Variants in PAMR1 observed in about 807,000 individuals in gnomAD.
PAMR1 encodes peptidase domain containing associated with muscle regeneration 1.
In PAMR1, 88 loss-of-function variants were observed where a neutral mutation model predicts 81.8. The ratio of observed to expected loss-of-function variants is 1.08; its 90% confidence interval spans 0.91 to 1.28. The LOEUF (loss-of-function observed/expected upper bound fraction) is 1.28, where lower values mean the gene tolerates loss of function less well. Ranked by LOEUF, PAMR1 falls within the 50% of genes most tolerant of loss-of-function variation. The pLI is 0.00. For synonymous variants in PAMR1, 336 were observed against 345.3 expected (o/e 0.97, Z 0.30); for missense variants, 935 against 919.7 (o/e 1.02, Z -0.21).
chr11:35,475,437 C>G lies in PAMR1; in HGVS notation c.380-693G>C, dbSNP rs1473658664. ...CCTGGTTAAAGCAGAAGTAGGGGCCCAAAACCCTCCACCCCGATCCTTACC... is the reference window on the plus strand; with the variant it reads ...CCTGGTTAAAGCAGAAGTAGGGGCCGAAAACCCTCCACCCCGATCCTTACC... On this transcript the variant is annotated intron_variant, in intron 3 of 10. Coordinates refer to ENST00000619888, the MANE Select transcript of PAMR1 (RefSeq NM_001001991.3). Among the ~76,000 whole-genome samples, 5 of 152,242 alleles carry G rather than the reference C, an allele frequency of 3.3e-5. No homozygotes were observed. The East Asian group carries it at 9.6e-4, about 29-fold the overall frequency.
intron 6 of PAMR1, among the ~76,000 whole-genome samples, chr11:35,465,988 C>T (rs949207014): frequency 6.6e-6 from 1 of 152,088 alleles, no homozygotes; most frequent in Non-Finnish European, 1.5e-5. Context: ...AGTTTTGGAC[C>T]AATTTATTTT....
chr11:35,455,620 A>C (rs950723931), intron 6 of PAMR1, among the ~76,000 whole-genome samples: 4 of 152,196 alleles, frequency 2.6e-5, no homozygotes, highest in Non-Finnish European at 5.9e-5. Flanking sequence ...CTAGAAGCCA[A>C]AGAGTTCAAG....
intron 6 of PAMR1, chr11:35,451,908 G>T (rs368525253): frequency 1.4e-6 from 1 of 703,074 alleles, no homozygotes. Context: ...ATCTTCTGAC[G>T]CCTTGATCTT....
At chr11:35,464,549 A>T (rs748086300) in intron 6 of PAMR1, among the ~76,000 whole-genome samples, 4 of 152,202 alleles carry the variant, frequency 2.6e-5, no homozygotes, top group Admixed American at 1.3e-4. Context: ...TCCTACAATT[A>T]TCACAGCCAA....
chr11:35,466,047 G>A (rs541379294), intron 6 of PAMR1, among the ~76,000 whole-genome samples: 5 of 151,766 alleles, frequency 3.3e-5, no homozygotes, highest in South Asian at 2.1e-4. Flanking sequence ...GCTTTATCTG[G>A]TGATGTTTTA....
chr11:35,474,470 G>C (rs1336183415), intron 4 of PAMR1, among the ~76,000 whole-genome samples, 160 bp downstream of exon 4: 6 of 152,166 alleles, frequency 3.9e-5, no homozygotes, highest in African/African-American at 1.4e-4. Context: ...CATTTAGTTG[G>C]CTGCAGTTTC....
chr11:35,481,211 G>T (rs1275625922), intron 3 of PAMR1, among the ~76,000 whole-genome samples: 1 of 152,124 alleles, frequency 6.6e-6, no homozygotes, highest in Non-Finnish European at 1.5e-5. Flanking sequence ...ATTCCTTTGG[G>T]TATACACCCA....
chr11:35,487,641 C>T (rs1342006098), intron 3 of PAMR1, among the ~76,000 whole-genome samples: 2 of 152,210 alleles, frequency 1.3e-5, no homozygotes, highest in Non-Finnish European at 2.9e-5. Flanking sequence ...CTGCCCCAAA[C>T]CTTTGGTACT....
At position 35,450,129 on chromosome 11, in the gene PAMR1, C is replaced by CAAAAAA. The variant is rs60887441; in HGVS notation, c.821-8442_821-8437dup. Among the ~76,000 whole-genome samples the CAAAAAA allele has an allele frequency of 4.5e-3, 195 of 43,056 alleles. 43 individuals are homozygous for CAAAAAA. Among genetic ancestry groups the CAAAAAA allele is most frequent in the South Asian group, 5.4e-3 (3 of 558 alleles). The allele number at this position is 43,056 out of a possible 152,430, so 28.2% of individuals were successfully genotyped here. A position where few individuals can be genotyped will look rare whatever the true frequency, so the allele number is the denominator to read the frequency against. On this transcript the variant is annotated intron_variant, in intron 6 of 10. Transcript: ENST00000619888. ...AGAAACTTACTTGGCTGCCTCCAGG[C>CAAAAAA]AAAAAAAAAAAAAAAAAAAAAAAAA... is the stretch of plus-strand genomic sequence containing the variant.
chr11:35,503,779 ATT>A (rs1174157581), intron 1 of PAMR1, among the ~76,000 whole-genome samples: 1 of 151,884 alleles, frequency 6.6e-6, no homozygotes, highest in Non-Finnish European at 1.5e-5. Context: ...GAGTCTTTAG[ATT>A]TTTTTTAAAT....
rs771579479 is a variant in PAMR1, at chr11:35,494,098, G to A, written c.248C>T (p.Pro83Leu). Residue 83 changes from proline to leucine, a missense_variant and splice_region_variant, in exon 2 of 11, where the codon CCA becomes CTA. Transcript: ENST00000619888. ...ENECDSCLIH[P>L]GCTIFENCKS... ...GAAGTCTCCCATTCCACACTCACCT[G>A]GGTGGATCAGGCAGGAGTCACACTC... The A allele has an allele frequency of 2.5e-6, 4 of 1,613,314 alleles. No individual in the cohort carries two copies. The highest frequency in any genetic ancestry group is 1.3e-5 in the African/African-American group (1 of 74,916).
chr11:35,505,494 T>A (rs1452146419), intron 1 of PAMR1, among the ~76,000 whole-genome samples: 3 of 152,282 alleles, frequency 2.0e-5, no homozygotes, highest in Non-Finnish European at 4.4e-5. Context: ...GATCTATTAA[T>A]GTTTTCTTTA....
intron 1 of PAMR1, among the ~76,000 whole-genome samples, chr11:35,497,569 TA>T (rs1247775534): frequency 6.6e-6 from 1 of 152,202 alleles, no homozygotes; most frequent in Non-Finnish European, 1.5e-5. Flanking sequence ...CACATTTTCT[TA>T]GCCTTCTCTA....
chr11:35,439,507 A>AC, intron 8 of PAMR1, 120 bp downstream of exon 8: 1 of 830,586 alleles, frequency 1.2e-6, no homozygotes, highest in Non-Finnish European at 2.1e-6. Context: ...ACCAGTTAGC[A>AC]CTAAATGTCC....
intron 6 of PAMR1, among the ~76,000 whole-genome samples, chr11:35,443,534 T>C (rs1376952413): frequency 1.3e-5 from 2 of 152,358 alleles, no homozygotes; most frequent in Non-Finnish European, 2.9e-5. Flanking sequence ...GCAATGGATA[T>C]GATTTTGTTC....
intron 1 of PAMR1, chr11:35,513,416 T>C (rs1212983181): frequency 1.3e-5 from 2 of 152,192 alleles, no homozygotes; most frequent in African/African-American, 4.8e-5. Flanking sequence ...GTAGGCTGTT[T>C]CCAGAGTCAG....
chr11:35,519,642 G>A (rs1565364205), intron 1 of PAMR1, among the ~76,000 whole-genome samples: 1 of 152,104 alleles, frequency 6.6e-6, no homozygotes, highest in Non-Finnish European at 1.5e-5. Context: ...GCTCCTCTTG[G>A]GTTCCATGTG....
intron 2 of PAMR1, among the ~76,000 whole-genome samples, chr11:35,493,329 A>T (rs375942117): frequency 1.8e-3 from 269 of 152,302 alleles, no homozygotes; most frequent in African/African-American, 6.1e-3. Flanking sequence ...CTAAACTTTG[A>T]AGCACAGTTT....
At chr11:35,440,682 G>A (rs1172861615) in intron 7 of PAMR1, among the ~76,000 whole-genome samples, 1 of 152,172 alleles carries the variant, frequency 6.6e-6, no homozygotes, top group East Asian at 1.9e-4. Context: ...CACTGCCAAT[G>A]GGGAAGGTTC....
Sources: allele counts gnomAD v4.1 joint callset (sites outside exome capture counted in the v4.1 genomes callset), GRCh38; gene constraint gnomAD v4.1.1; transcripts MANE v1.5; gene names NCBI Gene and HGNC (gene_info 2026-07-23, HGNC 2026-07-21).